MACROD2: variants seen among roughly 807,000 people sequenced by gnomAD.
The protein encoded by MACROD2 is ADP-ribose glycohydrolase MACROD2.
Under a neutral mutation model 70.4 loss-of-function variants are expected in MACROD2, and 36 were observed. The ratio of observed to expected loss-of-function variants is 0.51; its 90% CI spans 0.39 to 0.68. MACROD2 has a LOEUF of 0.68. MACROD2 is among the 30% of genes least tolerant of loss of function. The pLI, the probability that MACROD2 is intolerant of heterozygous loss-of-function variation, is 0.00. For missense variants in MACROD2, 496 were observed against 538.4 expected, an observed-to-expected ratio of 0.92 and a Z score of 0.78; for synonymous variants, 172 against 178.8, an observed-to-expected ratio of 0.96 and a Z score of 0.30.
chr20:14,142,547 A>C (rs1430903749), intron 3 of MACROD2, among the ~76,000 whole-genome samples: 1 of 152,188 alleles, frequency 6.6e-6, no homozygotes, highest in African/African-American at 2.4e-5. Context: ...CCCGAGCTGT[A>C]TGTTGTCAAG....
At chr20:14,300,420 C>T (rs983523605) in intron 3 of MACROD2, among the ~76,000 whole-genome samples, 5 of 152,142 alleles carry the variant, frequency 3.3e-5, no homozygotes, top group African/African-American at 7.2e-5. Context: ...ATAATGCTTT[C>T]GTTTAGTTCA....
In MACROD2 at chr20:14,415,823, G is replaced by C. The variant is rs145186670; in HGVS notation, c.272-77656G>C. On this transcript the variant is annotated intron_variant, in intron 3 of 17. Coordinates refer to ENST00000684519, the MANE Select transcript of MACROD2 (RefSeq NM_001351661.2). Reference sequence around the variant, plus strand: ...CCTGGTAGTCTTAGGAAAGTAATAAGATAGCTTAATTACATGATTAAAATA... The same window carrying C: ...CCTGGTAGTCTTAGGAAAGTAATAACATAGCTTAATTACATGATTAAAATA... Among the ~76,000 whole-genome samples, 611 of 152,288 alleles carry C rather than the reference G, an allele frequency of 4.0e-3. 2 individuals carry two copies. The highest frequency in any genetic ancestry group is 0.014 in the African/African-American group (571 of 41,566).
intron 3 of MACROD2, among the ~76,000 whole-genome samples, chr20:14,438,289 A>G (rs549165657): frequency 1.3e-5 from 2 of 152,316 alleles, no homozygotes; most frequent in South Asian, 2.1e-4. Context: ...TTGTGTATGT[A>G]TACCACAGTT....
At chr20:14,112,933 C>T (rs932526808) in intron 3 of MACROD2, among the ~76,000 whole-genome samples, 2 of 151,758 alleles carry the variant, frequency 1.3e-5, no homozygotes, top group Admixed American at 6.6e-5. Flanking sequence ...ATTAACTTTG[C>T]GTTGGGTGAA....
chr20:15,856,497 G>A (rs190035866), intron 8 of MACROD2, among the ~76,000 whole-genome samples: 17 of 152,232 alleles, frequency 1.1e-4, no homozygotes, highest in African/African-American at 2.9e-4. Flanking sequence ...AAAGTCCTCC[G>A]AAATATCTTA....
intron 3 of MACROD2, among the ~76,000 whole-genome samples, chr20:14,369,798 C>T (rs1237801082): frequency 2.0e-5 from 3 of 152,164 alleles, no homozygotes; most frequent in African/African-American, 2.4e-5. Context: ...CTACCACCTC[C>T]ATAAAAAAAG....
At chr20:15,167,847 T>C (rs1409474869) in intron 5 of MACROD2, among the ~76,000 whole-genome samples, 2 of 152,154 alleles carry the variant, frequency 1.3e-5, no homozygotes, top group Non-Finnish European at 2.9e-5. Flanking sequence ...GAATTTCACA[T>C]TCAGAAATAT....
chr20:14,981,795 G>A (rs745305994), intron 5 of MACROD2, among the ~76,000 whole-genome samples: 9 of 152,152 alleles, frequency 5.9e-5, no homozygotes, highest in East Asian at 1.9e-4. Flanking sequence ...GCCCAATCTC[G>A]GTTATGTCTT....
intron 5 of MACROD2, among the ~76,000 whole-genome samples, chr20:15,207,157 T>G (rs1389682541): frequency 1.3e-5 from 2 of 152,184 alleles, no homozygotes; most frequent in African/African-American, 4.8e-5. Flanking sequence ...TCTGCTATTT[T>G]TTCTAGTTTC....
chr20:14,598,053 T>C (rs1258056334), intron 4 of MACROD2, among the ~76,000 whole-genome samples: 2 of 152,134 alleles, frequency 1.3e-5, no homozygotes, highest in Non-Finnish European at 2.9e-5. Flanking sequence ...CAGAAAGGAC[T>C]GGGTTTGGAA....
At chr20:15,787,978 T>C (rs2051959447) in intron 8 of MACROD2, among the ~76,000 whole-genome samples, 1 of 152,208 alleles carries the variant, frequency 6.6e-6, no homozygotes, top group Admixed American at 6.5e-5. Flanking sequence ...TCAAGAAATA[T>C]ACTCTTTTTA....
At chr20:15,784,992 CAA>C (rs34347286) in intron 8 of MACROD2, among the ~76,000 whole-genome samples, 16,651 of 148,954 alleles carry the variant, frequency 0.11, 1,061 homozygotes, top group Middle Eastern at 0.27. Context: ...ACTAAAAATA[CAA>C]AAAAAAAATT....
chr20:15,965,597 A>C (rs925306486), intron 12 of MACROD2, among the ~76,000 whole-genome samples: 22 of 152,296 alleles, frequency 1.4e-4, no homozygotes, highest in African/African-American at 5.1e-4. Context: ...ATCAAATAAT[A>C]TAATTTTTAA....
intron 7 of MACROD2, among the ~76,000 whole-genome samples, chr20:15,457,055 CTTTTTTT>C (rs67567968): frequency 7.6e-6 from 1 of 132,192 alleles, no homozygotes; most frequent in Non-Finnish European, 1.6e-5. Flanking sequence ...TTCCTTTCTT[CTTTTTTT>C]TTTTTTTTTT....
intron 3 of MACROD2, among the ~76,000 whole-genome samples, chr20:14,239,669 A>G (rs944146995): frequency 6.6e-6 from 1 of 152,224 alleles, no homozygotes; most frequent in Non-Finnish European, 1.5e-5. Context: ...CTTACACCAT[A>G]TACAAAAATC....
At chr20:14,891,747 G>T (rs2073763304) in intron 5 of MACROD2, among the ~76,000 whole-genome samples, 1 of 152,076 alleles carries the variant, frequency 6.6e-6, no homozygotes, top group African/African-American at 2.4e-5. Flanking sequence ...ATGTATTTGA[G>T]AAATTCAGTA....
At chr20:14,647,579 A>G (rs528124931) in intron 4 of MACROD2, among the ~76,000 whole-genome samples, 1 of 152,204 alleles carries the variant, frequency 6.6e-6, no homozygotes, top group East Asian at 1.9e-4. Context: ...GTAGGGAAAC[A>G]CTGTACTAAG....
intron 8 of MACROD2, among the ~76,000 whole-genome samples, chr20:15,515,520 T>A (rs770256708): frequency 6.6e-6 from 1 of 152,234 alleles, no homozygotes. Flanking sequence ...TGTCTTTTAC[T>A]GTGGTTGTGG....
At chr20:14,293,955 G>T (rs1290256211) in intron 3 of MACROD2, among the ~76,000 whole-genome samples, 1 of 151,770 alleles carries the variant, frequency 6.6e-6, no homozygotes, top group Admixed American at 6.6e-5. Context: ...AATGGTGAAT[G>T]AATATTAGGT....
Sources: allele counts gnomAD v4.1 joint callset (sites outside exome capture counted in the v4.1 genomes callset), GRCh38; gene constraint gnomAD v4.1.1; transcripts MANE v1.5; gene names NCBI Gene and HGNC (gene_info 2026-07-23, HGNC 2026-07-21).